The following SRFBP1 variants were observed in gnomAD, a reference collection of about 807,000 sequenced individuals.
The protein encoded by SRFBP1 is serum response factor binding protein 1, also known as serum response factor-binding protein 1.
In SRFBP1, 47 loss-of-function variants were observed where a neutral mutation model predicts 45.5. That is an observed-to-expected ratio of 1.03 (90% CI 0.82 to 1.32). The LOEUF is 1.32. Among genes scored for constraint, SRFBP1 ranks in the 40% most tolerant of loss-of-function variants. The pLI is 0.00. For synonymous variants in SRFBP1, 203 were observed against 166.3 expected, an observed-to-expected ratio of 1.22 and a Z score of -1.70; for missense variants, 621 against 484.6, an observed-to-expected ratio of 1.28 and a Z score of -2.64.
intron 3 of SRFBP1, among the ~76,000 whole-genome samples, chr5:121,982,344 A>G (rs1338449103): frequency 6.6e-6 from 1 of 151,990 alleles, no homozygotes. Context: ...AACAGCATTT[A>G]GTAACAGATC....
chr5:122,036,145 A>G (rs1439696314), intron 2 of SRFBP1, among the ~76,000 whole-genome samples: 1 of 152,182 alleles, frequency 6.6e-6, no homozygotes, highest in African/African-American at 2.4e-5. Context: ...CTGGGAGATG[A>G]GCTCTGAACT....
chr5:122,077,741 G>A, downstream of SRFBP1: 1 of 1,569,350 alleles, frequency 6.4e-7, no homozygotes, highest in South Asian at 1.1e-5. The surrounding 1 kb of genome is among the most constrained non-coding windows in gnomAD (Gnocchi z 4.9). Context: ...CTGGGCGGAG[G>A]CGTTGGCTGC....
chr5:122,021,454 A>G (rs556473848), intron 6 of SRFBP1, among the ~76,000 whole-genome samples: 3 of 152,320 alleles, frequency 2.0e-5, no homozygotes, highest in Non-Finnish European at 2.9e-5. Flanking sequence ...GTTTTTGCAT[A>G]TATTTACAAG....
At chr5:121,967,244 T>C (rs1752090951) in intron 1 of SRFBP1, among the ~76,000 whole-genome samples, 2 of 152,204 alleles carry the variant, frequency 1.3e-5, no homozygotes, top group South Asian at 4.1e-4. Flanking sequence ...AGAACCACGT[T>C]TGTATGCGCT....
At chr5:122,075,594 AC>A, downstream of SRFBP1, 1 of 1,209,484 alleles carries the variant, frequency 8.3e-7, no homozygotes, top group Non-Finnish European at 1.2e-6. Flanking sequence ...TTAACTAAAG[AC>A]AAAACTACAA....
chr5:122,049,339 G>A (rs1469536188), intron 2 of SRFBP1, among the ~76,000 whole-genome samples: 2 of 152,020 alleles, frequency 1.3e-5, no homozygotes, highest in Non-Finnish European at 2.9e-5. Flanking sequence ...TCCTAAATAT[G>A]TATGCACCCA....
At chr5:121,976,940 T>C (rs1752314097) in intron 3 of SRFBP1, among the ~76,000 whole-genome samples, 1 of 151,850 alleles carries the variant, frequency 6.6e-6, no homozygotes. Context: ...ATAACTTGTA[T>C]GTGGTGTATG....
intron 2 of SRFBP1, among the ~76,000 whole-genome samples, chr5:122,047,672 T>C (rs1488198392): frequency 6.6e-6 from 1 of 152,150 alleles, no homozygotes; most frequent in African/African-American, 2.4e-5. Context: ...ATTCTTCCTA[T>C]CCATGAGCAT....
chr5:122,001,310 C>A (rs1752862649), intron 4 of SRFBP1, among the ~76,000 whole-genome samples: 1 of 150,976 alleles, frequency 6.6e-6, no homozygotes, highest in African/African-American at 2.4e-5. Flanking sequence ...AATACTCATT[C>A]AGTCGATGTT....
At chr5:121,978,342 T>C (rs1170217807) in intron 3 of SRFBP1, among the ~76,000 whole-genome samples, 1 of 152,182 alleles carries the variant, frequency 6.6e-6, no homozygotes, top group Non-Finnish European at 1.5e-5. Flanking sequence ...TCCTATGATA[T>C]ATCCAGACTC....
chr5:122,066,827 C>A, intron 2 of SRFBP1: 2 of 936,902 alleles, frequency 2.1e-6, no homozygotes, highest in South Asian at 2.7e-5. Flanking sequence ...AATTTAAAGT[C>A]AACCTTTTAA....
At chr5:122,066,702 A>T (rs759600785) in intron 2 of SRFBP1, 41 of 1,571,366 alleles carry the variant, frequency 2.6e-5, no homozygotes, top group South Asian at 6.7e-5. Context: ...ACTTCAGAAC[A>T]CCAGGCACTG....
intron 1 of SRFBP1, among the ~76,000 whole-genome samples, chr5:121,969,448 T>A (rs986197856): frequency 6.6e-6 from 1 of 152,098 alleles, no homozygotes; most frequent in Non-Finnish European, 1.5e-5. Context: ...CACTGCCAAC[T>A]TTTGCCTCTC....
chr5:121,987,133 A>G (rs1008842769), intron 3 of SRFBP1, among the ~76,000 whole-genome samples: 4 of 152,158 alleles, frequency 2.6e-5, no homozygotes, highest in Non-Finnish European at 5.9e-5. Flanking sequence ...CAATCCATAA[A>G]GAAGTCTTGA....
chr5:122,056,932 G>T (rs1460105104), intron 2 of SRFBP1, among the ~76,000 whole-genome samples: 2 of 152,210 alleles, frequency 1.3e-5, no homozygotes, highest in Non-Finnish European at 2.9e-5. Flanking sequence ...TATGAAACCA[G>T]TGAAGAGGAC....
At chr5:122,046,252 C>A (rs940986166) in intron 2 of SRFBP1, among the ~76,000 whole-genome samples, 1 of 151,684 alleles carries the variant, frequency 6.6e-6, no homozygotes, top group Non-Finnish European at 1.5e-5. Flanking sequence ...TGTGTCCATG[C>A]GTTCTCATTG....
chr5:122,044,940 G>C (rs1454853541), intron 2 of SRFBP1, among the ~76,000 whole-genome samples: 2 of 152,056 alleles, frequency 1.3e-5, no homozygotes, highest in Non-Finnish European at 2.9e-5. Context: ...GCCAAGTCCT[G>C]TGTTCAGAAT....
At chr5:121,973,266 A>G (rs373525334) in intron 1 of SRFBP1, among the ~76,000 whole-genome samples, 3 of 151,964 alleles carry the variant, frequency 2.0e-5, no homozygotes, top group East Asian at 1.9e-4. Flanking sequence ...CAGAATCTGT[A>G]TAGTGGGGAC....
intron 2 of SRFBP1, among the ~76,000 whole-genome samples, chr5:122,049,024 G>GTT (rs58833648): frequency 5.9e-5 from 9 of 151,906 alleles, no homozygotes; most frequent in South Asian, 2.1e-4. Context: ...TTTTTGAAGG[G>GTT]TTTTTTTGTG....
Sources: allele counts gnomAD v4.1 joint callset (sites outside exome capture counted in the v4.1 genomes callset), GRCh38; gene constraint gnomAD v4.1.1; non-coding constraint Gnocchi (gnomAD v3.1); transcripts MANE v1.5; gene names NCBI Gene and HGNC (gene_info 2026-07-23, HGNC 2026-07-21).